The following SLC44A5 variants were observed in gnomAD, a reference collection of about 807,000 sequenced individuals.
SLC44A5 encodes choline transporter-like protein 5.
A neutral mutation model predicts 101.8 loss-of-function variants in SLC44A5; 57 were observed. The observed-to-expected ratio is 0.56, with a 90% CI of 0.45 to 0.70. The LOEUF (loss-of-function observed/expected upper bound fraction) is 0.70, where lower values mean the gene tolerates loss of function less well. SLC44A5 is among the 30% of genes least tolerant of loss of function. SLC44A5 has a pLI of 0.00. For missense variants in SLC44A5, 737 were observed against 853.1 expected (o/e 0.86, Z 1.70); for synonymous variants, 281 against 290.9 (o/e 0.97, Z 0.35).
At chr1:75,344,065 C>A (rs1658077713) in intron 3 of SLC44A5, among the ~76,000 whole-genome samples, 1 of 152,004 alleles carries the variant, frequency 6.6e-6, no homozygotes, top group Non-Finnish European at 1.5e-5. Context: ...TATTCATATT[C>A]TGTTCCCTCT....
chr1:75,517,389 T>C (rs1366580500), intron 2 of SLC44A5, among the ~76,000 whole-genome samples: 1 of 150,974 alleles, frequency 6.6e-6, no homozygotes, highest in African/African-American at 2.4e-5. Context: ...GCTATACCAC[T>C]GAATTTAAAA....
intron 1 of SLC44A5, among the ~76,000 whole-genome samples, chr1:75,566,501 G>C (rs945820727): frequency 2.0e-5 from 3 of 152,180 alleles, no homozygotes; most frequent in African/African-American, 7.2e-5. Flanking sequence ...AATAAATCAT[G>C]CTGCTAAAAG....
chr1:75,518,118 C>A (rs1003231059), intron 2 of SLC44A5, among the ~76,000 whole-genome samples: 3 of 152,130 alleles, frequency 2.0e-5, no homozygotes, highest in African/African-American at 7.2e-5. Context: ...CATTTGCTTC[C>A]ACATGTAAGC....
At chr1:75,298,647 A>C (rs1277122856) in intron 5 of SLC44A5, among the ~76,000 whole-genome samples, 1 of 152,012 alleles carries the variant, frequency 6.6e-6, no homozygotes, top group Non-Finnish European at 1.5e-5. Flanking sequence ...TATTTGATGA[A>C]GGAATAAGGC....
At chr1:75,568,308 CA>C (rs34285676) in intron 1 of SLC44A5, among the ~76,000 whole-genome samples, 23,329 of 150,726 alleles carry the variant, frequency 0.15, 2,033 homozygotes, top group Admixed American at 0.23. Flanking sequence ...AAACTGGTAC[CA>C]AAAAAAAATC....
At position 75,202,526 on chromosome 1, in the gene SLC44A5, A is replaced by G. The variant is rs1391563293; in HGVS notation, c.*1201T>C. The G allele has an allele frequency of 6.6e-6, 1 of 152,178 alleles. No homozygotes were observed. Among genetic ancestry groups the G allele is most frequent in the Non-Finnish European group, 1.5e-5 (1 of 68,016 alleles). The allele number at this position is 152,178 out of a possible 1,614,324, so 9.4% of individuals were successfully genotyped here. ...CTTAAAAGTTAGTAGTACTGGTAAA[A>G]TTATTTAAAACTGAATTGGAAATTA... is the stretch of plus-strand genomic sequence containing the variant. On this transcript the variant is annotated 3_prime_UTR_variant, in exon 24 of 24. Transcript: ENST00000370859.
intron 18 of SLC44A5, 46 bp downstream of exon 18, chr1:75,217,820 A>G (rs376277486): frequency 9.1e-5 from 117 of 1,281,604 alleles, no homozygotes; most frequent in Middle Eastern, 7.4e-4. Context: ...CCAACCCCCA[A>G]CCCAATTTAT....
At chr1:75,510,349 A>G (rs576627466) in intron 2 of SLC44A5, among the ~76,000 whole-genome samples, 1 of 152,182 alleles carries the variant, frequency 6.6e-6, no homozygotes, top group Non-Finnish European at 1.5e-5. Context: ...AAAATACTGT[A>G]TTTCTCAAAT....
chr1:75,323,803 T>G (rs1259295552), intron 4 of SLC44A5, among the ~76,000 whole-genome samples: 1 of 152,220 alleles, frequency 6.6e-6, no homozygotes, highest in Non-Finnish European at 1.5e-5. Context: ...AGTTTATCTC[T>G]AAAGTCTTTT....
intron 2 of SLC44A5, among the ~76,000 whole-genome samples, chr1:75,501,304 A>G (rs1668945335): frequency 6.6e-6 from 1 of 152,174 alleles, no homozygotes; most frequent in Non-Finnish European, 1.5e-5. Flanking sequence ...TCCCTCCTAT[A>G]TCTTGATTCC....
At chr1:75,720,674 G>A in the SLC44A5 span, among the ~76,000 whole-genome samples, 1 of 152,156 alleles carries the variant, frequency 6.6e-6, no homozygotes, top group Non-Finnish European at 1.5e-5. Context: ...TTTATTCCGA[G>A]CCAAATATGA....
the SLC44A5 span, among the ~76,000 whole-genome samples, chr1:75,689,088 A>T: frequency 6.6e-6 from 1 of 152,164 alleles, no homozygotes; most frequent in African/African-American, 2.4e-5. Flanking sequence ...CCTGAAACTA[A>T]TATTACCCAG....
At chr1:75,671,411 C>T in the SLC44A5 span, among the ~76,000 whole-genome samples, 10 of 151,062 alleles carry the variant, frequency 6.6e-5, no homozygotes, top group Admixed American at 6.6e-4. Flanking sequence ...TAGAAAAATG[C>T]TAATATACGC....
the SLC44A5 span, among the ~76,000 whole-genome samples, chr1:75,659,489 G>GAAGGAAGGAGGGAAGGAAGA: frequency 1.6e-5 from 1 of 61,416 alleles, no homozygotes; most frequent in Non-Finnish European, 3.5e-5. Context: ...AGGAAGGAAG[G>GAAGGAAGGAGGGAAGGAAGA]AAGGCAGGCA....
At chr1:75,672,771 T>C in the SLC44A5 span, among the ~76,000 whole-genome samples, 3 of 152,130 alleles carry the variant, frequency 2.0e-5, no homozygotes, top group African/African-American at 7.2e-5. Context: ...TCAGCCGCAG[T>C]AGAATAGGGC....
chr1:75,564,878 T>A (rs1672712037), intron 1 of SLC44A5, among the ~76,000 whole-genome samples: 1 of 152,158 alleles, frequency 6.6e-6, no homozygotes, highest in African/African-American at 2.4e-5. Flanking sequence ...CACCTCGGCC[T>A]CCCAAAATGC....
At chr1:75,492,161 A>G (rs1165343459) in intron 2 of SLC44A5, among the ~76,000 whole-genome samples, 1 of 152,144 alleles carries the variant, frequency 6.6e-6, no homozygotes, top group Non-Finnish European at 1.5e-5. Context: ...GAAGTATCAC[A>G]TTTCAAAACA....
rs898068063 is a variant in SLC44A5 at position 75,265,907 on chromosome 1, C to A, written c.260+9051G>T. 3.9e-5 allele frequency among the ~76,000 whole-genome samples: 6 copies of A among 152,262 alleles called. No homozygotes were observed. In the South Asian group the frequency reaches 1.2e-3, roughly 32 times the overall value. On this transcript the variant is annotated intron_variant, in intron 6 of 23. Transcript: ENST00000370859. Reference sequence around the variant, plus strand: ...GGTGGCATCAAAAATCAATCACGTTCTCTTTTTTTGTGGAAATCTCAAAGA... The same window carrying A: ...GGTGGCATCAAAAATCAATCACGTTATCTTTTTTTGTGGAAATCTCAAAGA...
the SLC44A5 span, among the ~76,000 whole-genome samples, chr1:75,676,047 CAT>C: frequency 3.4e-4 from 52 of 152,172 alleles, no homozygotes; most frequent in South Asian, 0.011. Context: ...AGTCAAGAAA[CAT>C]ATGTTGGCGA....
Sources: allele counts gnomAD v4.1 joint callset (sites outside exome capture counted in the v4.1 genomes callset), GRCh38; gene constraint gnomAD v4.1.1; transcripts MANE v1.5; gene names NCBI Gene and HGNC (gene_info 2026-07-23, HGNC 2026-07-21).